SLC71A1: variants seen among roughly 807,000 people sequenced by gnomAD.
SLC71A1 encodes hippocampus abundant gene transcript 1.
chr1:100,039,538 AAAAG>A, the SLC71A1 span, among the ~76,000 whole-genome samples: 4 of 152,334 alleles, frequency 2.6e-5, no homozygotes, highest in Non-Finnish European at 4.4e-5. Flanking sequence ...TTTATTGAAA[AAAAG>A]AAACAAATTC....
chr1:100,054,041 CTTTT>C, the SLC71A1 span, among the ~76,000 whole-genome samples: 2 of 133,324 alleles, frequency 1.5e-5, no homozygotes, highest in African/African-American at 2.8e-5. Context: ...TTTTTCTTTC[CTTTT>C]TTTTTTTTTT....
At chr1:100,071,800 C>T in the SLC71A1 span, among the ~76,000 whole-genome samples, 1 of 152,084 alleles carries the variant, frequency 6.6e-6, no homozygotes, top group African/African-American at 2.4e-5. Flanking sequence ...GGGTATTTTT[C>T]CTCTGTTTAG....
the SLC71A1 span, among the ~76,000 whole-genome samples, chr1:100,073,420 TTC>T: frequency 6.6e-6 from 1 of 152,214 alleles, no homozygotes; most frequent in Middle Eastern, 3.2e-3. Context: ...GTTGAGTATG[TTC>T]TGTTTCAGTC....
chr1:100,080,263 G>C, the SLC71A1 span: 1 of 348,516 alleles, frequency 2.9e-6, no homozygotes, highest in Non-Finnish European at 5.2e-6. Context: ...TTGTTTCTAT[G>C]TGAGACCTAT....
the SLC71A1 span, chr1:100,080,446 GA>G: frequency 9.2e-6 from 14 of 1,514,110 alleles, no homozygotes; most frequent in Non-Finnish European, 1.1e-5. Flanking sequence ...CTAAGGTAGG[GA>G]AAAAAAACCA....
At chr1:100,043,949 T>A in the SLC71A1 span, among the ~76,000 whole-genome samples, 3 of 152,246 alleles carry the variant, frequency 2.0e-5, no homozygotes, top group Admixed American at 6.5e-5. Context: ...TATCCACTTG[T>A]TGGTCATTGG....
chr1:100,038,854 G>T, the SLC71A1 span, among the ~76,000 whole-genome samples: 2 of 152,216 alleles, frequency 1.3e-5, no homozygotes, highest in Non-Finnish European at 2.9e-5. Flanking sequence ...CTCCGGCTCT[G>T]GGCTGCTTAC....
chr1:100,082,163 C>A, the SLC71A1 span: 2 of 1,614,066 alleles, frequency 1.2e-6, no homozygotes, highest in Non-Finnish European at 1.7e-6. Context: ...AATACACAAG[C>A]GCCAGGAGAG....
chr1:100,042,922 A>G, the SLC71A1 span, among the ~76,000 whole-genome samples: 1 of 152,096 alleles, frequency 6.6e-6, no homozygotes, highest in Non-Finnish European at 1.5e-5. Context: ...GTGCTTTTCA[A>G]AAAGCCTAGA....
the SLC71A1 span, chr1:100,068,548 G>A: frequency 1.2e-6 from 2 of 1,613,752 alleles, no homozygotes; most frequent in Non-Finnish European, 1.7e-6. Context: ...CCTACCGGAG[G>A]CAGGCCAATA....
the SLC71A1 span, among the ~76,000 whole-genome samples, chr1:100,065,708 GCCTT>G: frequency 4.9e-5 from 5 of 102,448 alleles, no homozygotes; most frequent in South Asian, 8.5e-4. Context: ...TTTTCCCTAA[GCCTT>G]TTCCCTTTTT....
the SLC71A1 span, chr1:100,058,693 A>C: frequency 1.3e-6 from 2 of 1,582,682 alleles, no homozygotes; most frequent in Non-Finnish European, 1.7e-6. Flanking sequence ...TCCTAAACAT[A>C]CATTTCTGAT....
the SLC71A1 span, among the ~76,000 whole-genome samples, chr1:100,074,644 C>T: frequency 9.6e-3 from 1,452 of 150,986 alleles, 15 homozygotes; most frequent in Non-Finnish European, 0.016. Context: ...TTTGGGAGGC[C>T]GAGGCAGCTG....
At chr1:100,056,534 T>TG in the SLC71A1 span, among the ~76,000 whole-genome samples, 1 of 152,138 alleles carries the variant, frequency 6.6e-6, no homozygotes, top group Non-Finnish European at 1.5e-5. Flanking sequence ...TGCTTGAACC[T>TG]GGGAGGCGGA....
the SLC71A1 span, chr1:100,068,623 A>G: frequency 9.0e-7 from 1 of 1,105,180 alleles, no homozygotes; most frequent in Non-Finnish European, 1.4e-6. Flanking sequence ...CTTTTCTTTC[A>G]TTGTCTAGTG....
the SLC71A1 span, chr1:100,062,010 ATAT>A: frequency 5.3e-5 from 53 of 1,004,918 alleles, no homozygotes; most frequent in Non-Finnish European, 7.1e-5. Context: ...TTTAAGATAA[ATAT>A]TATTATAAGG....
chr1:100,074,302 C>A, the SLC71A1 span, among the ~76,000 whole-genome samples: 6 of 152,228 alleles, frequency 3.9e-5, no homozygotes, highest in Middle Eastern at 3.4e-3. Context: ...TGGCCGGGCA[C>A]GGTGGCCCAC....
At chr1:100,047,834 T>C in the SLC71A1 span, among the ~76,000 whole-genome samples, 1 of 152,160 alleles carries the variant, frequency 6.6e-6, no homozygotes, top group African/African-American at 2.4e-5. Flanking sequence ...ATTTTGTTTT[T>C]CTCCATGCTA....
chr1:100,076,479 C>T, the SLC71A1 span, among the ~76,000 whole-genome samples: 1 of 152,184 alleles, frequency 6.6e-6, no homozygotes, highest in African/African-American at 2.4e-5. Flanking sequence ...TATTGCCAGG[C>T]ACAATTCTAA....
Sources: allele counts gnomAD v4.1 joint callset (sites outside exome capture counted in the v4.1 genomes callset), GRCh38; gene constraint gnomAD v4.1.1; transcripts MANE v1.5; gene names NCBI Gene and HGNC (gene_info 2026-07-23, HGNC 2026-07-21).